CDK8: variants seen among roughly 807,000 people sequenced by gnomAD.
CDK8 encodes cyclin dependent kinase 8, also known as cyclin-dependent kinase 8.
Under a neutral mutation model 71.5 loss-of-function variants are expected in CDK8, and 29 were observed. The observed-to-expected ratio is 0.41, with a 90% CI of 0.30 to 0.55. The LOEUF (loss-of-function observed/expected upper bound fraction) is 0.55, where lower values mean the gene tolerates loss of function less well. Ranked by LOEUF, CDK8 falls within the 20% of genes least tolerant of loss-of-function variation. CDK8 has a pLI of 0.37. For synonymous variants in CDK8, 161 were observed against 192.1 expected (o/e 0.84, Z 1.34); for missense variants, 288 against 572.6 (o/e 0.50, Z 5.07).
chr13:26,337,436 G>T, intron 1 of CDK8, 131 bp from the exon 2 acceptor site: 1 of 322,326 alleles, frequency 3.1e-6, no homozygotes, highest in Non-Finnish European at 5.6e-6. Context: ...TTCCTTGTAC[G>T]ACATTGTATG....
intron 10 of CDK8, among the ~76,000 whole-genome samples, chr13:26,400,929 G>A (rs565279689): frequency 1.3e-5 from 2 of 152,176 alleles, no homozygotes; most frequent in Admixed American, 1.3e-4. Context: ...AGTAGGAAGG[G>A]TAAAACAAAA....
intron 5 of CDK8, among the ~76,000 whole-genome samples, chr13:26,383,939 T>G (rs1392580214): frequency 6.6e-6 from 1 of 152,196 alleles, no homozygotes. Flanking sequence ...TACATGTGCT[T>G]TTAAAGGAGT....
Position 26,401,351 on chromosome 13 carries a change from A to G in CDK8, c.1110+4A>G. ...ACCTGATGACAAAGGAGACAAAGTAAGTATTAAAGTACTGTTAGCAGCTTC... is the reference window on the plus strand; with the variant it reads ...ACCTGATGACAAAGGAGACAAAGTAGGTATTAAAGTACTGTTAGCAGCTTC... On this transcript the variant is annotated splice_donor_region_variant and intron_variant, in intron 11 of 12. Coordinates refer to ENST00000381527, the MANE Select transcript of CDK8 (RefSeq NM_001260.3). The surrounding 1 kb of genome is among the most constrained non-coding windows in gnomAD (Gnocchi z 4.5). 2.5e-6 allele frequency: 4 copies of G among 1,613,414 alleles called. No individual in the cohort carries two copies. The highest frequency in any genetic ancestry group is 3.4e-6 in the Non-Finnish European group (4 of 1,179,356).
At chr13:26,336,516 A>G (rs1307344272) in intron 1 of CDK8, among the ~76,000 whole-genome samples, 4 of 149,920 alleles carry the variant, frequency 2.7e-5, no homozygotes, top group South Asian at 2.1e-4. Flanking sequence ...GAGAACAGCC[A>G]TTTAGGCCTC....
chr13:26,268,456 C>T (rs560191807), intron 1 of CDK8, among the ~76,000 whole-genome samples: 22 of 152,258 alleles, frequency 1.4e-4, no homozygotes, highest in Admixed American at 8.5e-4. Flanking sequence ...GCTGGGATTA[C>T]AGGCATGTGT....
At chr13:26,403,819 TA>T (rs1876378869) in intron 12 of CDK8, 136 bp from the exon 13 acceptor site, 1 of 1,056,602 alleles carries the variant, frequency 9.5e-7, no homozygotes, top group South Asian at 1.6e-5. Context: ...TTTTTGTCTT[TA>T]ATTATAAAGT....
At chr13:26,365,144 A>G (rs769175034) in intron 4 of CDK8, among the ~76,000 whole-genome samples, 2 of 152,222 alleles carry the variant, frequency 1.3e-5, no homozygotes, top group Non-Finnish European at 2.9e-5. Flanking sequence ...AATAAAACAC[A>G]TAAGATTGCA....
intron 1 of CDK8, among the ~76,000 whole-genome samples, chr13:26,255,008 G>A (rs1426738394): frequency 6.6e-6 from 1 of 152,218 alleles, no homozygotes; most frequent in Non-Finnish European, 1.5e-5. Flanking sequence ...ATGAGCCTCT[G>A]CACCGTGGGC....
intron 4 of CDK8, among the ~76,000 whole-genome samples, chr13:26,366,501 A>G (rs956664904): frequency 1.3e-5 from 2 of 152,110 alleles, no homozygotes; most frequent in African/African-American, 2.4e-5. Flanking sequence ...TACTCCCCCA[A>G]TACAACTGGA....
At chr13:26,384,546 A>G (rs1019086894) in intron 5 of CDK8, among the ~76,000 whole-genome samples, 1 of 152,234 alleles carries the variant, frequency 6.6e-6, no homozygotes, top group African/African-American at 2.4e-5. Context: ...AAACTGTGTT[A>G]AATGCCATGA....
chr13:26,312,565 C>T (rs1409362852), intron 1 of CDK8, among the ~76,000 whole-genome samples: 1 of 152,132 alleles, frequency 6.6e-6, no homozygotes, highest in Non-Finnish European at 1.5e-5. Flanking sequence ...ACCACGAACC[C>T]TCCGGAAGGA....
intron 6 of CDK8, among the ~76,000 whole-genome samples, chr13:26,392,947 C>T (rs1875820263): frequency 6.7e-6 from 1 of 150,156 alleles, no homozygotes; most frequent in African/African-American, 2.5e-5. Context: ...ATTTCAAATA[C>T]TGTTTGGGTT....
intron 1 of CDK8, among the ~76,000 whole-genome samples, chr13:26,313,701 A>G (rs1874389097): frequency 1.3e-5 from 2 of 152,174 alleles, no homozygotes; most frequent in African/African-American, 2.4e-5. Flanking sequence ...AGAGAGATTG[A>G]GTGATGTCAT....
intron 4 of CDK8, among the ~76,000 whole-genome samples, chr13:26,367,849 C>T (rs1270785158): frequency 5.3e-5 from 8 of 152,126 alleles, no homozygotes; most frequent in Admixed American, 6.6e-5. Flanking sequence ...GCACAATTGG[C>T]AATTGGTCCT....
In CDK8 at chr13:26,318,492, C is replaced by T. The variant is rs534701329; in HGVS notation, c.129-19075C>T. Among the ~76,000 whole-genome samples, 281 of 152,290 alleles carry T rather than the reference C, an allele frequency of 1.8e-3. 2 individuals are homozygous for T. Among genetic ancestry groups the T allele is most frequent in the Non-Finnish European group, 3.2e-3 (217 of 68,006 alleles). On this transcript the variant is annotated intron_variant, in intron 1 of 12. Transcript: ENST00000381527. ...CAGACAAACACTATAAGAAAAACTA[C>T]AGACCAATATCTCTTGTGATCATTG...
chr13:26,362,152 T>C (rs1173582714), intron 4 of CDK8, among the ~76,000 whole-genome samples: 1 of 152,100 alleles, frequency 6.6e-6, no homozygotes, highest in African/African-American at 2.4e-5. Flanking sequence ...AAAGTACATG[T>C]ATTAGAGTTC....
intron 1 of CDK8, among the ~76,000 whole-genome samples, chr13:26,292,265 C>G (rs771583233): frequency 2.0e-5 from 3 of 152,160 alleles, no homozygotes; most frequent in Non-Finnish European, 4.4e-5. Flanking sequence ...GTTTTCTACT[C>G]TCAGGCCTCA....
chr13:26,296,393 A>G lies in CDK8; in HGVS notation c.129-41174A>G, dbSNP rs548776372. ...TGCTATTCTCTAAGCTTTAGCATGT[A>G]GAAATCTTCCTCCTTTCTAGACCTT... is the stretch of plus-strand genomic sequence containing the variant. On this transcript the variant is annotated intron_variant, in intron 1 of 12. Transcript: ENST00000381527. 2.6e-5 allele frequency among the ~76,000 whole-genome samples: 4 copies of G among 152,332 alleles called. No homozygotes were observed. In the South Asian group the frequency reaches 8.3e-4, roughly 32 times the overall value.
chr13:26,386,313 T>G (rs1328261657), intron 6 of CDK8, among the ~76,000 whole-genome samples: 5 of 152,194 alleles, frequency 3.3e-5, no homozygotes, highest in African/African-American at 9.6e-5. Flanking sequence ...TACTCAAACC[T>G]GATTCTGCTT....
Sources: allele counts gnomAD v4.1 joint callset (sites outside exome capture counted in the v4.1 genomes callset), GRCh38; gene constraint gnomAD v4.1.1; non-coding constraint Gnocchi (gnomAD v3.1); transcripts MANE v1.5; gene names NCBI Gene and HGNC (gene_info 2026-07-23, HGNC 2026-07-21).